The following MYT1L variants were observed in gnomAD, a reference collection of about 807,000 sequenced individuals.
The protein encoded by MYT1L is myelin transcription factor 1-like protein.
In MYT1L, 12 loss-of-function variants were observed where a neutral mutation model predicts 126.7. The observed-to-expected ratio is 0.09, with a 90% CI of 0.06 to 0.15. The LOEUF is 0.15. Among genes scored for constraint, MYT1L ranks in the 10% least tolerant of loss-of-function variants. The pLI is 1.00. For missense variants in MYT1L, 979 were observed against 1,585.2 expected (o/e 0.62, Z 6.49); for synonymous variants, 541 against 604.2 (o/e 0.90, Z 1.53).
intron 8 of MYT1L, among the ~76,000 whole-genome samples, chr2:1,969,021 T>C (rs181099708): frequency 6.6e-6 from 1 of 152,354 alleles, no homozygotes; most frequent in East Asian, 1.9e-4. Context: ...CCAAAGCGGC[T>C]GTCCCTTTCT....
chr2:2,105,274 T>G (rs1448556417), intron 3 of MYT1L, among the ~76,000 whole-genome samples: 1 of 152,116 alleles, frequency 6.6e-6, no homozygotes, highest in South Asian at 2.1e-4. Context: ...CCACATGCAA[T>G]GTGCTCGTGG....
intron 21 of MYT1L, among the ~76,000 whole-genome samples, chr2:1,819,571 A>G (rs2038205905): frequency 6.6e-6 from 1 of 152,138 alleles, no homozygotes; most frequent in African/African-American, 2.4e-5. Context: ...GCCTCTCTCC[A>G]TGCACCCGTG....
chr2:2,183,126 G>C (rs2091716217), intron 2 of MYT1L, among the ~76,000 whole-genome samples: 1 of 152,184 alleles, frequency 6.6e-6, no homozygotes, highest in Non-Finnish European at 1.5e-5. Context: ...TGGAGCAGTT[G>C]GAGGGAAGGG....
intron 19 of MYT1L, chr2:1,841,896 T>C (rs1307765153): frequency 6.6e-6 from 1 of 152,234 alleles, no homozygotes; most frequent in Non-Finnish European, 1.5e-5. Flanking sequence ...ACGCCTATTT[T>C]ATTTAATTTT....
At position 2,016,257 on chromosome 2, in the gene MYT1L, G is replaced by C. The variant is rs2064376992; in HGVS notation, c.-157-18910C>G. Among the ~76,000 whole-genome samples the C allele has an allele frequency of 1.3e-5, 2 of 152,334 alleles. 1 individual carries two copies. The highest frequency in any genetic ancestry group is 6.8e-3 in the Middle Eastern group (2 of 294). ...AAATGCACAGACACGTGATATGCCAGGGGAGAGAGGCATTCAGACACCAGA... is the reference window on the plus strand; with the variant it reads ...AAATGCACAGACACGTGATATGCCACGGGAGAGAGGCATTCAGACACCAGA... On this transcript the variant is annotated intron_variant, in intron 4 of 24. Transcript: ENST00000647738.
intron 4 of MYT1L, among the ~76,000 whole-genome samples, chr2:2,003,700 G>C (rs1047181004): frequency 2.6e-5 from 4 of 152,170 alleles, no homozygotes; most frequent in Admixed American, 2.6e-4. Context: ...CCCTGGTGTG[G>C]GGCCCATGGG....
intron 3 of MYT1L, among the ~76,000 whole-genome samples, chr2:2,105,000 G>C (rs1473050784): frequency 6.6e-6 from 1 of 152,198 alleles, no homozygotes; most frequent in African/African-American, 2.4e-5. Flanking sequence ...GAAAATAATA[G>C]ATTGGATCAT....
chr2:1,851,279 C>T (rs940433734), intron 19 of MYT1L, among the ~76,000 whole-genome samples: 13 of 152,140 alleles, frequency 8.5e-5, no homozygotes, highest in African/African-American at 2.9e-4. Flanking sequence ...CTCTCAGTGG[C>T]ATTAGAATGT....
intron 18 of MYT1L, chr2:1,886,040 TCC>T (rs1470334211): frequency 6.6e-6 from 1 of 152,280 alleles, no homozygotes; most frequent in Admixed American, 6.5e-5. Flanking sequence ...ACTCTCCGGA[TCC>T]CCGAACCGTG....
At chr2:2,250,645 C>A (rs926221371) in intron 2 of MYT1L, among the ~76,000 whole-genome samples, 3 of 151,132 alleles carry the variant, frequency 2.0e-5, no homozygotes, top group Admixed American at 2.0e-4. Context: ...TAATTGTACA[C>A]ATAAAAATAA....
intron 2 of MYT1L, among the ~76,000 whole-genome samples, chr2:2,281,531 C>A (rs2095446529): frequency 6.6e-6 from 1 of 152,182 alleles, no homozygotes; most frequent in Admixed American, 6.5e-5. Context: ...AAGTGGTCAA[C>A]AACTGAGGCC....
At chr2:1,975,998 A>G (rs1268087996) in intron 8 of MYT1L, among the ~76,000 whole-genome samples, 3 of 152,178 alleles carry the variant, frequency 2.0e-5, no homozygotes, top group African/African-American at 7.2e-5. Context: ...CCAATACATC[A>G]ACACCTCAAA....
chr2:2,194,924 T>C (rs940787851), intron 2 of MYT1L, among the ~76,000 whole-genome samples: 3 of 152,260 alleles, frequency 2.0e-5, no homozygotes, highest in Non-Finnish European at 4.4e-5. Context: ...TCTACTCCAG[T>C]GAATGATCTT....
intron 2 of MYT1L, among the ~76,000 whole-genome samples, chr2:2,242,177 C>G (rs998032958): frequency 8.5e-5 from 13 of 152,140 alleles, no homozygotes; most frequent in Admixed American, 6.5e-5. Flanking sequence ...TATTAGGAAG[C>G]TTAAAAGGTA....
intron 1 of MYT1L, among the ~76,000 whole-genome samples, chr2:2,296,796 C>T (rs2095701675): frequency 1.3e-5 from 2 of 152,214 alleles, no homozygotes. Flanking sequence ...ATACAGTGCA[C>T]TGCGTCAGGA....
At chr2:2,039,678 T>TGATG (rs1470700736) in intron 4 of MYT1L, among the ~76,000 whole-genome samples, 4 of 152,134 alleles carry the variant, frequency 2.6e-5, no homozygotes, top group African/African-American at 9.7e-5. Context: ...AGAAGACTGG[T>TGATG]GATGGGTTTT....
chr2:2,330,842 C>A (rs758934094), intron 1 of MYT1L, 125 bp downstream of exon 1: 1 of 152,110 alleles, frequency 6.6e-6, no homozygotes, highest in Non-Finnish European at 1.5e-5. Flanking sequence ...AGCTACCAGC[C>A]ATGCTGTAAA....
intron 8 of MYT1L, among the ~76,000 whole-genome samples, chr2:1,957,218 C>T (rs182680061): frequency 2.0e-5 from 3 of 152,338 alleles, no homozygotes; most frequent in East Asian, 3.9e-4. Context: ...ATCATCTATG[C>T]ACCTGTCATC....
chr2:1,902,822 T>A (rs145786501), intron 14 of MYT1L: 2 of 477,640 alleles, frequency 4.2e-6, no homozygotes, highest in East Asian at 4.0e-5. Flanking sequence ...CCTCTCCACA[T>A]TCCACGAGCA....
Sources: gnomAD v4.1 joint callset for allele counts (sites outside exome capture counted in the v4.1 genomes callset) on GRCh38, gnomAD v4.1.1 for gene constraint, MANE v1.5 for transcripts, NCBI Gene and HGNC (gene_info 2026-07-23, HGNC 2026-07-21) for gene names.